The following CFAP77 variants were observed in gnomAD, a reference collection of about 807,000 sequenced individuals.
CFAP77 encodes the protein cilia- and flagella-associated protein 77.
A neutral mutation model predicts 31.1 loss-of-function variants in CFAP77; 25 were observed. The observed-to-expected ratio is 0.80, with a 90% CI of 0.59 to 1.12. CFAP77 has a LOEUF of 1.12. Among genes scored for constraint, CFAP77 ranks in the 50% most tolerant of loss-of-function variants. The pLI, the probability that CFAP77 is intolerant of heterozygous loss-of-function variation, is 0.00. For missense variants in CFAP77, 377 were observed against 397.3 expected (o/e 0.95, Z 0.44); for synonymous variants, 151 against 159.9 (o/e 0.94, Z 0.42).
At chr9:132,447,906 C>G (rs1312331769) in intron 1 of CFAP77, among the ~76,000 whole-genome samples, 1 of 152,200 alleles carries the variant, frequency 6.6e-6, no homozygotes, top group African/African-American at 2.4e-5. Flanking sequence ...GTCCAGTTTA[C>G]AAGGCAGTGA....
intron 5 of CFAP77, among the ~76,000 whole-genome samples, chr9:132,551,116 G>A (rs968219336): frequency 1.3e-5 from 2 of 151,444 alleles, no homozygotes; most frequent in South Asian, 2.1e-4. Context: ...GCCTTAGGGT[G>A]GTGCAAAGAA....
At chr9:132,477,147 G>A (rs1001022834) in intron 1 of CFAP77, among the ~76,000 whole-genome samples, 1 of 152,182 alleles carries the variant, frequency 6.6e-6, no homozygotes, top group Non-Finnish European at 1.5e-5. Context: ...ACCAACAGTG[G>A]GGCCAGGATG....
Position 132,497,875 on chromosome 9 carries a change from G to T in CFAP77, c.196-820G>T, listed in dbSNP as rs960008792. On this transcript the variant is annotated intron_variant, in intron 1 of 5. Coordinates refer to ENST00000393216, the MANE Select transcript of CFAP77 (RefSeq NM_001282957.2). This position sits in a 1 kb window ranked among gnomAD's most constrained non-coding sequence, Gnocchi z 4.9. ...GCAGGACAGGGTCTCTGACCTCGAG[G>T]AGCTGCTGTGATAAAGGGAGACCGC... 6.6e-6 allele frequency among the ~76,000 whole-genome samples: 1 copy of T among 152,140 alleles called. No homozygotes were observed. Among genetic ancestry groups the T allele is most frequent in the Non-Finnish European group, 1.5e-5 (1 of 68,018 alleles).
At chr9:132,508,146 G>A (rs751882507) in intron 3 of CFAP77, among the ~76,000 whole-genome samples, 14 of 152,218 alleles carry the variant, frequency 9.2e-5, no homozygotes, top group Non-Finnish European at 1.9e-4. Flanking sequence ...GTCCATCTGA[G>A]ACCCAGAGAG....
intron 3 of CFAP77, among the ~76,000 whole-genome samples, chr9:132,531,637 C>T (rs1321177216): frequency 1.5e-5 from 2 of 134,790 alleles, no homozygotes; most frequent in Admixed American, 7.2e-5. Context: ...GGGGGGGGGG[C>T]ATGGAAGGCA....
At chr9:132,543,688 C>T (rs769595573) in intron 5 of CFAP77, among the ~76,000 whole-genome samples, 6 of 152,138 alleles carry the variant, frequency 3.9e-5, no homozygotes, top group African/African-American at 1.4e-4. Flanking sequence ...GAGAGAGGAG[C>T]AAAGGTCTAC....
intron 1 of CFAP77, among the ~76,000 whole-genome samples, chr9:132,449,894 G>GT (rs59697546): frequency 2.0e-5 from 3 of 149,752 alleles, no homozygotes; most frequent in Non-Finnish European, 4.5e-5. Flanking sequence ...ATGATTAAGA[G>GT]TTTTTTTGTT....
intron 1 of CFAP77, among the ~76,000 whole-genome samples, chr9:132,476,170 G>A (rs978708160): frequency 1.3e-5 from 2 of 152,230 alleles, no homozygotes; most frequent in Middle Eastern, 3.4e-3. Context: ...CCCTTGTGGC[G>A]TTCCTCTATG....
chr9:132,463,171 C>T (rs1851090272), intron 1 of CFAP77, among the ~76,000 whole-genome samples: 2 of 152,136 alleles, frequency 1.3e-5, no homozygotes, highest in Admixed American at 6.5e-5. Context: ...TGGATGACGT[C>T]GCAAGTCAGC....
At chr9:132,482,502 C>G in intron 1 of CFAP77, 1 of 984,862 alleles carries the variant, frequency 1.0e-6, no homozygotes, top group Non-Finnish European at 1.6e-6. Flanking sequence ...ACACCTACTG[C>G]GTGCTGGGCA....
At chr9:132,521,936 A>T (rs1406761876) in intron 3 of CFAP77, among the ~76,000 whole-genome samples, 2 of 151,932 alleles carry the variant, frequency 1.3e-5, no homozygotes, top group Non-Finnish European at 2.9e-5. Context: ...TAATTTTTGC[A>T]TTCTTAGTAG....
rs563267015 is a variant in CFAP77, at chr9:132,467,087, A to G, written c.196-31608A>G. Among the ~76,000 whole-genome samples, 10 of 152,300 alleles carry G rather than the reference A, an allele frequency of 6.6e-5. No homozygotes were observed. In the South Asian group the frequency reaches 2.1e-3, roughly 32 times the overall value. On this transcript the variant is annotated intron_variant, in intron 1 of 5. Coordinates refer to ENST00000393216, the MANE Select transcript of CFAP77 (RefSeq NM_001282957.2). Reference sequence around the variant, plus strand: ...CAGCTTTTGGGGAAGCTGAAGCAGGAGAATCGTTTGAATCTGGGAGATGGA... The same window carrying G: ...CAGCTTTTGGGGAAGCTGAAGCAGGGGAATCGTTTGAATCTGGGAGATGGA...
chr9:132,449,433 A>G (rs958971432), intron 1 of CFAP77, among the ~76,000 whole-genome samples: 1 of 133,060 alleles, frequency 7.5e-6, no homozygotes, highest in Non-Finnish European at 1.6e-5. Flanking sequence ...TAGAGTACAC[A>G]GGTTTTTTTT....
At position 132,573,141 on chromosome 9, in the gene CFAP77, T is replaced by A. The variant is rs1244095903; in HGVS notation, c.*631T>A. Reference sequence around the variant, plus strand: ...CTCCCCCAGGACTGACTTTGGAAGGTCAACCCACTCTGGAAAAAGCCTTCC... The same window carrying A: ...CTCCCCCAGGACTGACTTTGGAAGGACAACCCACTCTGGAAAAAGCCTTCC... On this transcript the variant is annotated 3_prime_UTR_variant, in exon 6 of 6. Transcript: ENST00000393216. The A allele has an allele frequency of 1.3e-5, 2 of 152,258 alleles. No individual in the cohort carries two copies. The highest frequency in any genetic ancestry group is 3.9e-4 in the East Asian group (2 of 5,162). The allele number at this position is 152,258 out of a possible 1,614,324, so 9.4% of individuals were successfully genotyped here.
intron 1 of CFAP77, among the ~76,000 whole-genome samples, chr9:132,451,802 C>A (rs491142): frequency 0.33 from 49,152 of 148,266 alleles, 8,658 homozygotes; most frequent in African/African-American, 0.46. Context: ...TTTTCTTTTT[C>A]TTTTCTTTTT....
intron 1 of CFAP77, among the ~76,000 whole-genome samples, chr9:132,411,583 T>C (rs1850002954): frequency 6.6e-6 from 1 of 152,164 alleles, no homozygotes; most frequent in Non-Finnish European, 1.5e-5. Context: ...GGCTCCTTTC[T>C]TAGGCCTCTC....
At chr9:132,515,116 C>A (rs540628251) in intron 3 of CFAP77, among the ~76,000 whole-genome samples, 1 of 152,322 alleles carries the variant, frequency 6.6e-6, no homozygotes, top group Admixed American at 6.5e-5. Context: ...GGGAGGCACC[C>A]TTGTTAAAAT....
chr9:132,457,459 C>T (rs1199700297), intron 1 of CFAP77, among the ~76,000 whole-genome samples: 1 of 152,232 alleles, frequency 6.6e-6, no homozygotes, highest in Non-Finnish European at 1.5e-5. Flanking sequence ...TCCAGCTGCT[C>T]ATGTCTCCTT....
chr9:132,531,434 G>T (rs1009885874), intron 3 of CFAP77, among the ~76,000 whole-genome samples: 1 of 152,200 alleles, frequency 6.6e-6, no homozygotes, highest in African/African-American at 2.4e-5. Context: ...CCTCTGGGGA[G>T]GTGGCCTCAC....
Sources: allele counts gnomAD v4.1 joint callset (sites outside exome capture counted in the v4.1 genomes callset), GRCh38; gene constraint gnomAD v4.1.1; non-coding constraint Gnocchi (gnomAD v3.1); transcripts MANE v1.5; gene names NCBI Gene and HGNC (gene_info 2026-07-23, HGNC 2026-07-21).